The following MAPKAP1 variants were observed in gnomAD, a reference collection of about 807,000 sequenced individuals.
MAPKAP1 encodes the protein MAPK associated protein 1.
A neutral mutation model predicts 65.7 loss-of-function variants in MAPKAP1; 20 were observed. The ratio of observed to expected loss-of-function variants is 0.30; its 90% CI spans 0.21 to 0.44. MAPKAP1 has a LOEUF of 0.44. Among genes scored for constraint, MAPKAP1 ranks in the 20% least tolerant of loss-of-function variants. The pLI is 1.00. For missense variants in MAPKAP1, 423 were observed against 648.0 expected, an observed-to-expected ratio of 0.65 and a Z score of 3.77; for synonymous variants, 222 against 244.3, an observed-to-expected ratio of 0.91 and a Z score of 0.85.
At chr9:125,693,609 A>G (rs560734193) in intron 1 of MAPKAP1, among the ~76,000 whole-genome samples, 7 of 150,370 alleles carry the variant, frequency 4.7e-5, no homozygotes, top group South Asian at 2.1e-4. Flanking sequence ...ACACATACAC[A>G]TATATACACA....
chr9:125,698,235 T>G (rs1835447938), intron 1 of MAPKAP1, among the ~76,000 whole-genome samples: 1 of 137,902 alleles, frequency 7.3e-6, no homozygotes, highest in Non-Finnish European at 1.5e-5. Flanking sequence ...ATATTCCATC[T>G]CAAAATATAT....
chr9:125,698,280 TATATATAA>T lies in MAPKAP1; in HGVS notation c.-70+8683_-70+8690del, dbSNP rs1241901142. 1.9e-3 allele frequency among the ~76,000 whole-genome samples: 47 copies of T among 24,894 alleles called. 1 individual carries two copies. The highest frequency in any genetic ancestry group is 9.3e-3 in the South Asian group (8 of 862). The allele number at this position is 24,894 out of a possible 152,430, so 16.3% of individuals were successfully genotyped here. On this transcript the variant is annotated intron_variant, in intron 1 of 11. Coordinates refer to ENST00000265960, the MANE Select transcript of MAPKAP1 (RefSeq NM_001006617.3). Reference sequence around the variant, plus strand: ...ATTTATAAATATATATAATACATAATATATATAAATATATATATATATATATATATATA... The same window carrying T: ...ATTTATAAATATATATAATACATAATATATATATATATATATATATATATA...
intron 4 of MAPKAP1, among the ~76,000 whole-genome samples, chr9:125,624,320 G>A (rs1310388956): frequency 2.2e-4 from 5 of 22,996 alleles, no homozygotes; most frequent in African/African-American, 4.7e-4. Context: ...CAGCCGCCCC[G>A]TCCGGGAAGG....
At chr9:125,504,151 T>C (rs1829071051) in intron 8 of MAPKAP1, among the ~76,000 whole-genome samples, 1 of 152,200 alleles carries the variant, frequency 6.6e-6, no homozygotes, top group Non-Finnish European at 1.5e-5. Context: ...AGTATGCCTA[T>C]TTCTCCATAT....
chr9:125,593,659 CAAA>C, intron 4 of MAPKAP1, among the ~76,000 whole-genome samples: 1 of 124,354 alleles, frequency 8.0e-6, no homozygotes, highest in Non-Finnish European at 1.8e-5. Context: ...GACTCTGTCT[CAAA>C]AAGAAAAAGA....
At chr9:125,541,898 G>C (rs1291303658) in intron 7 of MAPKAP1, among the ~76,000 whole-genome samples, 1 of 152,210 alleles carries the variant, frequency 6.6e-6, no homozygotes, top group East Asian at 1.9e-4. Flanking sequence ...CCAGAGAGCT[G>C]GTTATCAAAC....
intron 4 of MAPKAP1, among the ~76,000 whole-genome samples, chr9:125,613,492 T>C (rs897356401): frequency 1.4e-4 from 21 of 152,196 alleles, no homozygotes; most frequent in Admixed American, 1.3e-3. Context: ...TTGGGACAAC[T>C]GTGAAGGTCC....
At chr9:125,640,675 ACTAGTTAATTTAGC>A (rs1267641146) in intron 4 of MAPKAP1, among the ~76,000 whole-genome samples, 1 of 152,194 alleles carries the variant, frequency 6.6e-6, no homozygotes, top group African/African-American at 2.4e-5. Flanking sequence ...CTTTTTACTG[ACTAGTTAATTTAGC>A]CTCAGAAAGG....
chr9:125,687,094 G>A (rs1443489780), intron 1 of MAPKAP1, among the ~76,000 whole-genome samples: 2 of 150,350 alleles, frequency 1.3e-5, no homozygotes, highest in African/African-American at 4.9e-5. Context: ...CCAAAGTGCT[G>A]GGATTACAGG....
intron 3 of MAPKAP1, among the ~76,000 whole-genome samples, chr9:125,665,437 C>A (rs1401631578): frequency 6.6e-6 from 1 of 152,126 alleles, no homozygotes; most frequent in Non-Finnish European, 1.5e-5. Context: ...TAAGAAAGTT[C>A]TTTGTAATTC....
chr9:125,613,755 G>A (rs149021023), intron 4 of MAPKAP1, among the ~76,000 whole-genome samples: 181 of 151,916 alleles, frequency 1.2e-3, no homozygotes, highest in African/African-American at 3.8e-3. Flanking sequence ...AACAGATAAT[G>A]CTAGAATTAC....
At chr9:125,616,924 T>C (rs899434065) in intron 4 of MAPKAP1, among the ~76,000 whole-genome samples, 1 of 152,210 alleles carries the variant, frequency 6.6e-6, no homozygotes, top group African/African-American at 2.4e-5. Flanking sequence ...TAGAATTGAT[T>C]AGAATAAAAA....
chr9:125,529,586 T>C (rs1299560546), intron 7 of MAPKAP1, among the ~76,000 whole-genome samples: 1 of 152,242 alleles, frequency 6.6e-6, no homozygotes, highest in Non-Finnish European at 1.5e-5. Context: ...TTTCTGTGAT[T>C]ATGTGGTGAC....
intron 6 of MAPKAP1, among the ~76,000 whole-genome samples, chr9:125,556,192 T>C (rs1830729716): frequency 6.6e-6 from 1 of 152,204 alleles, no homozygotes; most frequent in South Asian, 2.1e-4. Context: ...TTATCTCCAT[T>C]TCACTGAGCC....
At chr9:125,449,921 A>G (rs1427094490) in intron 10 of MAPKAP1, among the ~76,000 whole-genome samples, 1 of 151,744 alleles carries the variant, frequency 6.6e-6, no homozygotes, top group Non-Finnish European at 1.5e-5. Flanking sequence ...TTGATTTTCA[A>G]TTTTTGCTCT....
intron 7 of MAPKAP1, among the ~76,000 whole-genome samples, chr9:125,526,565 T>A (rs1412703757): frequency 6.6e-6 from 1 of 152,216 alleles, no homozygotes; most frequent in Non-Finnish European, 1.5e-5. Flanking sequence ...AAACAACTAT[T>A]TAATAATGAT....
chr9:125,698,288 AATATATATATATATATAT>A (rs57303829), intron 1 of MAPKAP1, among the ~76,000 whole-genome samples: 2,178 of 48,940 alleles, frequency 0.045, 55 homozygotes, highest in Non-Finnish European at 0.049. Context: ...AATATATATA[AATATATATATATATATAT>A]ATATATATAT....
intron 8 of MAPKAP1, among the ~76,000 whole-genome samples, chr9:125,502,365 TGCTGGGATTACAGGCGTGA>T (rs1829009566): frequency 6.6e-6 from 1 of 152,110 alleles, no homozygotes. Flanking sequence ...CCTCCCAAAG[TGCTGGGATTACAGGCGTGA>T]GCCACCGTGC....
intron 4 of MAPKAP1, among the ~76,000 whole-genome samples, chr9:125,614,526 G>A (rs922486780): frequency 6.6e-6 from 1 of 152,108 alleles, no homozygotes; most frequent in South Asian, 2.1e-4. Flanking sequence ...TGGGAGGCTA[G>A]GGCAGGGAGA....
Sources: gnomAD v4.1 joint callset for allele counts (sites outside exome capture counted in the v4.1 genomes callset) on GRCh38, gnomAD v4.1.1 for gene constraint, MANE v1.5 for transcripts, NCBI Gene and HGNC (gene_info 2026-07-23, HGNC 2026-07-21) for gene names.